FAM163A: variants seen among roughly 807,000 people sequenced by gnomAD.
FAM163A encodes protein FAM163A.
FAM163A carries 7 observed loss-of-function variants against 12.0 expected under a neutral mutation model. The ratio of observed to expected loss-of-function variants is 0.58; its 90% CI spans 0.33 to 1.10. The LOEUF is 1.10. Ranked by LOEUF, FAM163A falls within the 50% of genes least tolerant of loss-of-function variation. The pLI, the probability that FAM163A is intolerant of heterozygous loss-of-function variation, is 0.03. For missense variants in FAM163A, 202 were observed against 218.6 expected (o/e 0.92, Z 0.48); for synonymous variants, 101 against 91.0 (o/e 1.11, Z -0.62).
intron 1 of FAM163A, among the ~76,000 whole-genome samples, chr1:179,802,504 C>T (rs936531091): frequency 2.6e-5 from 4 of 152,170 alleles, no homozygotes; most frequent in African/African-American, 7.2e-5. Flanking sequence ...TCCAAGTCCC[C>T]GCCATCATAA....
At chr1:179,757,989 T>A (rs990401907) in intron 1 of FAM163A, among the ~76,000 whole-genome samples, 1 of 152,148 alleles carries the variant, frequency 6.6e-6, no homozygotes, top group African/African-American at 2.4e-5. Flanking sequence ...ATGGGAATTG[T>A]TTGGGGGAAG....
the FAM163A span, among the ~76,000 whole-genome samples, chr1:179,728,521 CTTCA>C: frequency 6.6e-6 from 1 of 152,112 alleles, no homozygotes; most frequent in Non-Finnish European, 1.5e-5. Context: ...CCTGTTGCAG[CTTCA>C]TTTTGATTAT....
intron 1 of FAM163A, among the ~76,000 whole-genome samples, chr1:179,765,795 G>A (rs1687418387): frequency 6.6e-6 from 1 of 151,770 alleles, no homozygotes; most frequent in Non-Finnish European, 1.5e-5. Flanking sequence ...GTGGACAAAG[G>A]GTGTAGTGCC....
chr1:179,790,805 C>T (rs969623511), intron 1 of FAM163A, among the ~76,000 whole-genome samples: 1 of 152,046 alleles, frequency 6.6e-6, no homozygotes, highest in Non-Finnish European at 1.5e-5. Flanking sequence ...AATATAGTGG[C>T]CTTTAGAACA....
intron 1 of FAM163A, among the ~76,000 whole-genome samples, chr1:179,744,169 G>T (rs2147939168): frequency 6.6e-6 from 1 of 152,352 alleles, no homozygotes; most frequent in South Asian, 2.1e-4. Flanking sequence ...CTGGGGCCAG[G>T]ACAGCGGGGG....
chr1:179,775,073 C>T (rs1359506513), intron 1 of FAM163A, among the ~76,000 whole-genome samples: 1 of 152,198 alleles, frequency 6.6e-6, no homozygotes, highest in Non-Finnish European at 1.5e-5. Context: ...TTGGCCCAAG[C>T]AGCCAGCAGC....
chr1:179,800,035 T>G (rs575833225), intron 1 of FAM163A, among the ~76,000 whole-genome samples: 2 of 152,176 alleles, frequency 1.3e-5, no homozygotes, highest in African/African-American at 4.8e-5. Context: ...CCAATAAACA[T>G]GGCATGCTCT....
At chr1:179,776,977 T>G (rs939379395) in intron 1 of FAM163A, among the ~76,000 whole-genome samples, 2 of 152,256 alleles carry the variant, frequency 1.3e-5, no homozygotes, top group African/African-American at 4.8e-5. Flanking sequence ...ATGCAATATG[T>G]GAACTTTTGT....
At position 179,766,832 on chromosome 1, in the gene FAM163A, T is replaced by A. The variant is rs75973727; in HGVS notation, c.-136+23409T>A. ...GTGCAATGGCACAATCTTGGCTCAC[T>A]GCAACCTCTGCCTCCCGGGTTCAAG... is the stretch of plus-strand genomic sequence containing the variant. On this transcript the variant is annotated intron_variant, in intron 1 of 4. Coordinates refer to ENST00000341785, the MANE Select transcript of FAM163A (RefSeq NM_173509.3). Among the ~76,000 whole-genome samples the A allele has an allele frequency of 1.3e-3, 203 of 152,180 alleles. 9 individuals are homozygous for A. The East Asian group carries it at 0.035, about 26-fold the overall frequency.
At chr1:179,758,011 G>T (rs1422440590) in intron 1 of FAM163A, among the ~76,000 whole-genome samples, 1 of 152,230 alleles carries the variant, frequency 6.6e-6, no homozygotes, top group East Asian at 1.9e-4. Flanking sequence ...TGCTAAGGAT[G>T]TTTTTGGAGC....
chr1:179,769,873 T>C (rs918821300), intron 1 of FAM163A, among the ~76,000 whole-genome samples: 11 of 151,918 alleles, frequency 7.2e-5, no homozygotes, highest in African/African-American at 2.7e-4. Flanking sequence ...TTGTTTTAAG[T>C]ATTCATTTAC....
the FAM163A span, among the ~76,000 whole-genome samples, chr1:179,731,771 T>G: frequency 6.6e-6 from 1 of 152,204 alleles, no homozygotes; most frequent in African/African-American, 2.4e-5. Flanking sequence ...CATTTACCTG[T>G]TTATAAATAC....
intron 1 of FAM163A, among the ~76,000 whole-genome samples, chr1:179,781,465 C>G (rs1488406095): frequency 6.6e-6 from 1 of 151,868 alleles, no homozygotes; most frequent in African/African-American, 2.4e-5. Flanking sequence ...CTGCTCTGAC[C>G]CCCGAGAAAG....
intron 2 of FAM163A, among the ~76,000 whole-genome samples, chr1:179,810,810 A>G (rs1483235638): frequency 1.3e-5 from 2 of 152,128 alleles, no homozygotes; most frequent in African/African-American, 4.8e-5. Flanking sequence ...AGGCGGGTGG[A>G]TCACCCACCT....
chr1:179,800,521 G>A (rs1693012643), intron 1 of FAM163A, among the ~76,000 whole-genome samples: 2 of 152,226 alleles, frequency 1.3e-5, no homozygotes, highest in African/African-American at 2.4e-5. Context: ...TTAGACCATG[G>A]TGGTCTGACA....
chr1:179,800,190 G>C (rs578052645), intron 1 of FAM163A, among the ~76,000 whole-genome samples: 11 of 152,346 alleles, frequency 7.2e-5, no homozygotes, highest in African/African-American at 2.2e-4. Flanking sequence ...AGCCCAAGGG[G>C]CCCACAGCCA....
chr1:179,813,042 C>T, intron 3 of FAM163A, 34 bp from the exon 4 acceptor site: 1 of 1,538,032 alleles, frequency 6.5e-7, no homozygotes. Flanking sequence ...GCTGCAGCCA[C>T]AGCTGGTCCT....
In FAM163A at chr1:179,812,983, C is replaced by T. The variant is rs1458103798; in HGVS notation, c.-22-93C>T. The stretch of plus-strand genomic sequence containing the variant: ...GCACCTGCTGCTCTCAGGCCCCCTG[C>T]CCCAGCCTCGGGGCAGTTCCAGGAA... On this transcript the variant is annotated intron_variant, in intron 3 of 4. Coordinates refer to ENST00000341785, the MANE Select transcript of FAM163A (RefSeq NM_173509.3). 4.1e-6 allele frequency: 5 copies of T among 1,220,264 alleles called. No individual in the cohort carries two copies. In the East Asian group the frequency reaches 1.0e-4, roughly 25 times the overall value. 75.6% of individuals were successfully genotyped at this position (1,220,264 alleles called of 1,614,324 possible).
intron 1 of FAM163A, among the ~76,000 whole-genome samples, chr1:179,782,582 T>C (rs1571456226): frequency 6.6e-6 from 1 of 152,206 alleles, no homozygotes; most frequent in East Asian, 1.9e-4. Context: ...TTCTGAACAG[T>C]TTCTTGTGCC....
Sources: gnomAD v4.1 joint callset for allele counts (sites outside exome capture counted in the v4.1 genomes callset) on GRCh38, gnomAD v4.1.1 for gene constraint, MANE v1.5 for transcripts, NCBI Gene and HGNC (gene_info 2026-07-23, HGNC 2026-07-21) for gene names.